PCSK5: variants seen among roughly 807,000 people sequenced by gnomAD.
The protein encoded by PCSK5 is proprotein convertase subtilisin/kexin type 5.
A neutral mutation model predicts 233.2 loss-of-function variants in PCSK5; 129 were observed. The ratio of observed to expected loss-of-function variants is 0.55; its 90% CI spans 0.48 to 0.64. PCSK5 has a LOEUF of 0.64. Ranked by LOEUF, PCSK5 falls within the 30% of genes least tolerant of loss-of-function variation. PCSK5 has a pLI of 0.00. For synonymous variants in PCSK5, 825 were observed against 879.2 expected (o/e 0.94, Z 1.09); for missense variants, 2,076 against 2,430.1 (o/e 0.85, Z 3.06).
At chr9:76,071,924 A>T (rs1830495521) in intron 7 of PCSK5, 26 bp downstream of exon 7, 1 of 1,600,300 alleles carries the variant, frequency 6.2e-7, no homozygotes. Flanking sequence ...ATGGAGGCTT[A>T]TACTGTGTGG....
At position 75,938,024 on chromosome 9, in the gene PCSK5, A is replaced by G. The variant is rs376813635; in HGVS notation, c.297+5541A>G. ...AGCAATAAGGCTGTTTCTCTTTCTT[A>G]TCATCTGTGCGTTCATGAGAGTAGC... On this transcript the variant is annotated intron_variant, in intron 2 of 37. Transcript: ENST00000674117. 3.9e-5 allele frequency among the ~76,000 whole-genome samples: 6 copies of G among 152,290 alleles called. No individual in the cohort carries two copies. The East Asian group carries it at 5.8e-4, about 15-fold the overall frequency.
intron 5 of PCSK5, among the ~76,000 whole-genome samples, chr9:76,061,468 C>A (rs944112145): frequency 1.4e-4 from 21 of 152,190 alleles, no homozygotes; most frequent in African/African-American, 4.8e-4. Context: ...CCTTGTGGTT[C>A]AGTAGCACTG....
In PCSK5 at chr9:76,232,490, C is replaced by T. The variant is rs79229556; in HGVS notation, c.2730-970C>T. ...ACTGAGCAGCGGATCTCAAAGAGTG[C>T]TCACCAGACCAGCAGCACTGGCATC... is the stretch of plus-strand genomic sequence containing the variant. On this transcript the variant is annotated intron_variant, in intron 21 of 37. Transcript: ENST00000674117. Among the ~76,000 whole-genome samples the T allele has an allele frequency of 7.0e-3, 1,071 of 152,220 alleles. 10 individuals carry two copies. The highest frequency in any genetic ancestry group is 0.024 in the African/African-American group (1,014 of 41,536).
chr9:75,973,145 T>C (rs10869674), intron 2 of PCSK5, among the ~76,000 whole-genome samples: 117,415 of 152,034 alleles, frequency 0.77, 45,533 homozygotes, highest in Admixed American at 0.81. Context: ...TGGGTAGAAA[T>C]AGTTTATTTT....
intron 2 of PCSK5, among the ~76,000 whole-genome samples, chr9:75,946,982 G>A (rs1013665205): frequency 1.3e-5 from 2 of 152,162 alleles, no homozygotes; most frequent in Non-Finnish European, 2.9e-5. Flanking sequence ...GATTAACTTG[G>A]TTAGTCTTGA....
At chr9:76,214,350 A>G (rs562214763) in intron 20 of PCSK5, among the ~76,000 whole-genome samples, 1 of 152,042 alleles carries the variant, frequency 6.6e-6, no homozygotes, top group South Asian at 2.1e-4. Context: ...GCAGCCCACC[A>G]GTGATTTGAA....
intron 5 of PCSK5, among the ~76,000 whole-genome samples, chr9:76,049,977 T>G (rs532216684): frequency 4.1e-4 from 63 of 152,354 alleles, no homozygotes; most frequent in Middle Eastern, 3.4e-3. Context: ...AAATGTAGAC[T>G]TGTAAATTAT....
At chr9:76,332,806 C>A (rs759652901) in intron 34 of PCSK5, among the ~76,000 whole-genome samples, 196 bp downstream of exon 34, 1 of 152,196 alleles carries the variant, frequency 6.6e-6, no homozygotes, top group Non-Finnish European at 1.5e-5. Context: ...AGTGAGTTAA[C>A]ACAAAGGGTC....
At chr9:75,932,337 A>G in intron 1 of PCSK5, 42 bp from the exon 2 acceptor site, 1 of 1,197,898 alleles carries the variant, frequency 8.3e-7, no homozygotes, top group Non-Finnish European at 1.2e-6. Flanking sequence ...TCACACATTA[A>G]TGTCTTTTTT....
chr9:76,017,671 A>G (rs565347653), intron 3 of PCSK5, among the ~76,000 whole-genome samples: 1 of 152,250 alleles, frequency 6.6e-6, no homozygotes, highest in East Asian at 1.9e-4. Context: ...GGATTTCTGG[A>G]TAATCCACAG....
In PCSK5 at chr9:76,317,150, C is replaced by G. The variant is rs182586238; in HGVS notation, c.3885-4272C>G. Among the ~76,000 whole-genome samples, 1,240 of 152,234 alleles carry G rather than the reference C, an allele frequency of 8.1e-3. 10 individuals are homozygous for G. The highest frequency in any genetic ancestry group is 0.012 in the Non-Finnish European group (829 of 68,016). ...CCAAGGCAGGCAGATCACTTGAGGTCAGGAGTTTGAGACCAGCCTGGCCAA... is the reference window on the plus strand; with the variant it reads ...CCAAGGCAGGCAGATCACTTGAGGTGAGGAGTTTGAGACCAGCCTGGCCAA... On this transcript the variant is annotated intron_variant, in intron 30 of 37. Coordinates refer to ENST00000674117, the MANE Select transcript of PCSK5 (RefSeq NM_001372043.1).
chr9:75,977,832 G>A (rs1023673505), intron 2 of PCSK5, among the ~76,000 whole-genome samples: 3 of 151,780 alleles, frequency 2.0e-5, no homozygotes, highest in South Asian at 2.1e-4. Context: ...GGCTGGTCTC[G>A]AGCTCTGACC....
At chr9:76,156,210 G>A (rs1464107357) in intron 10 of PCSK5, among the ~76,000 whole-genome samples, 1 of 135,740 alleles carries the variant, frequency 7.4e-6, no homozygotes. Flanking sequence ...GAATTTTAAA[G>A]TATTTTTAGA....
At chr9:76,267,302 C>T (rs533547392) in intron 24 of PCSK5, among the ~76,000 whole-genome samples, 1 of 152,048 alleles carries the variant, frequency 6.6e-6, no homozygotes, top group Non-Finnish European at 1.5e-5. Flanking sequence ...GGAGAGAAAG[C>T]CAGCAATTAT....
chr9:76,346,082 A>T (rs1441591589), intron 35 of PCSK5, among the ~76,000 whole-genome samples: 6 of 152,160 alleles, frequency 3.9e-5, no homozygotes, highest in Non-Finnish European at 7.3e-5. Context: ...ACAGGTAGGG[A>T]TCCAGTTTTA....
chr9:76,116,023 A>G (rs530838711), intron 9 of PCSK5, among the ~76,000 whole-genome samples: 1 of 152,224 alleles, frequency 6.6e-6, no homozygotes, highest in African/African-American at 2.4e-5. Context: ...TAGTTTTTGT[A>G]TTAACTGATA....
At chr9:76,196,755 C>A in intron 20 of PCSK5, among the ~76,000 whole-genome samples, 1 of 152,144 alleles carries the variant, frequency 6.6e-6, no homozygotes, top group South Asian at 2.1e-4. Flanking sequence ...TGTTCTCTCT[C>A]AATTTTCAGA....
chr9:76,362,529 T>G lies in PCSK5; in HGVS notation c.*3607T>G, dbSNP rs920284172. 1.3e-5 allele frequency among the ~76,000 whole-genome samples: 2 copies of G among 152,200 alleles called. No individual in the cohort carries two copies. Among genetic ancestry groups the G allele is most frequent in the Admixed American group, 6.5e-5 (1 of 15,280 alleles). On this transcript the variant is annotated 3_prime_UTR_variant, in exon 38 of 38. Transcript: ENST00000674117. ...CTCCTAAAAATCAGCTCAATCTGTCTTTCTGCCTCATCAGCACTGCCTCAA... is the reference window on the plus strand; with the variant it reads ...CTCCTAAAAATCAGCTCAATCTGTCGTTCTGCCTCATCAGCACTGCCTCAA...
At chr9:76,047,325 T>C (rs1443927085) in intron 5 of PCSK5, among the ~76,000 whole-genome samples, 1 of 152,132 alleles carries the variant, frequency 6.6e-6, no homozygotes, top group Non-Finnish European at 1.5e-5. Context: ...CTCGATCTGC[T>C]GACGTTGTGA....
Sources: gnomAD v4.1 joint callset for allele counts (sites outside exome capture counted in the v4.1 genomes callset) on GRCh38, gnomAD v4.1.1 for gene constraint, MANE v1.5 for transcripts, NCBI Gene and HGNC (gene_info 2026-07-23, HGNC 2026-07-21) for gene names.